VIT: variants seen among roughly 807,000 people sequenced by gnomAD.
The protein encoded by VIT is vitrin.
VIT carries 99 observed loss-of-function variants against 78.0 expected under a neutral mutation model. The ratio of observed to expected loss-of-function variants is 1.27; its 90% CI spans 1.08 to 1.50. VIT has a LOEUF of 1.50. VIT is among the 40% of genes most tolerant of loss of function. VIT has a pLI of 0.00. For missense variants in VIT, 1,126 were observed against 875.3 expected, an observed-to-expected ratio of 1.29 and a Z score of -3.61; for synonymous variants, 374 against 334.3, an observed-to-expected ratio of 1.12 and a Z score of -1.29.
Position 36,808,873 on chromosome 2 carries a change from G to A in VIT, c.1791G>A (p.Leu597=). Residue 597 remains leucine, a synonymous_variant, in exon 15 of 16, where the codon CTG becomes CTA. Coordinates refer to ENST00000379242, the MANE Select transcript of VIT (RefSeq NM_053276.4). Reference sequence around the variant, plus strand: ...CGGGGGCTGCCATCAACTTCGCCCTGGAGCAGCTCTTCAAGAAGTCCAAGC... The same window carrying A: ...CGGGGGCTGCCATCAACTTCGCCCTAGAGCAGCTCTTCAAGAAGTCCAAGC... ...TSTGAAINFA[L]EQLFKKSKPN... is the part of the protein sequence containing the mutation. 1.9e-6 allele frequency: 3 copies of A among 1,614,158 alleles called. No homozygotes were observed. Among genetic ancestry groups the A allele is most frequent in the Non-Finnish European group, 2.5e-6 (3 of 1,180,036 alleles).
chr2:36,700,399 G>A (rs934203688), intron 1 of VIT, among the ~76,000 whole-genome samples: 11 of 151,952 alleles, frequency 7.2e-5, no homozygotes, highest in South Asian at 6.3e-4. Context: ...TGATGGTGGC[G>A]GTGGTGGTGG....
intron 13 of VIT, 130 bp from the exon 14 acceptor site, chr2:36,805,308 G>GAAA (rs567911067): frequency 0.028 from 16,031 of 578,848 alleles, 2 homozygotes; most frequent in East Asian, 0.042. Context: ...TGTCTCAAAG[G>GAAA]AAAAAAAAAA....
At chr2:36,811,690 G>C (rs894017502) in intron 15 of VIT, among the ~76,000 whole-genome samples, 1 of 107,868 alleles carries the variant, frequency 9.3e-6, no homozygotes, top group African/African-American at 3.6e-5. Flanking sequence ...TTTTTCTTTT[G>C]AGACGGAGTT....
At chr2:36,734,908 A>T (rs1383937653) in intron 3 of VIT, among the ~76,000 whole-genome samples, 2 of 152,184 alleles carry the variant, frequency 1.3e-5, no homozygotes, top group African/African-American at 4.8e-5. Context: ...GCACGCCTAT[A>T]ATCCCAGCAC....
rs1253946532 is a variant in VIT at position 36,759,051 on chromosome 2, G to A, written c.487+5G>A. 5 of 1,614,088 alleles carry A rather than the reference G, an allele frequency of 3.1e-6. No individual in the cohort carries two copies. Among genetic ancestry groups the A allele is most frequent in the Admixed American group, 3.3e-5 (2 of 60,028 alleles). On this transcript the variant is annotated splice_donor_5th_base_variant and intron_variant, in intron 6 of 15. Transcript: ENST00000379242. ...AAAGTCCAGCTGCCCAAGCAGGCAA[G>A]TGCTCACGTGTGATTGAATCTAAAC... is the stretch of plus-strand genomic sequence containing the variant.
At chr2:36,755,300 G>A (rs1234910150) in intron 5 of VIT, among the ~76,000 whole-genome samples, 4 of 152,194 alleles carry the variant, frequency 2.6e-5, no homozygotes, top group Non-Finnish European at 5.9e-5. Context: ...TTATCTGTAA[G>A]TCCAATCAGA....
intron 12 of VIT, among the ~76,000 whole-genome samples, chr2:36,789,901 A>C (rs1320329840): frequency 6.6e-6 from 1 of 152,160 alleles, no homozygotes; most frequent in Non-Finnish European, 1.5e-5. Flanking sequence ...CCAAGGGAGG[A>C]GGACTCCGGA....
chr2:36,810,928 C>G (rs780739084), intron 15 of VIT, among the ~76,000 whole-genome samples: 1 of 152,160 alleles, frequency 6.6e-6, no homozygotes, highest in Non-Finnish European at 1.5e-5. Context: ...GCCACTGCAC[C>G]TGGCTTCTGT....
At chr2:36,722,560 A>G (rs911424837) in intron 2 of VIT, among the ~76,000 whole-genome samples, 3 of 152,254 alleles carry the variant, frequency 2.0e-5, no homozygotes, top group African/African-American at 7.2e-5. Context: ...GGAAACCTGA[A>G]CTATGTTTAA....
chr2:36,775,890 T>C (rs929014645), intron 9 of VIT, among the ~76,000 whole-genome samples: 2 of 152,086 alleles, frequency 1.3e-5, no homozygotes, highest in African/African-American at 4.8e-5. Context: ...ACACCCTGAG[T>C]AAAGGCAGGT....
intron 6 of VIT, among the ~76,000 whole-genome samples, chr2:36,766,128 A>G (rs1345532851): frequency 1.3e-5 from 2 of 152,240 alleles, no homozygotes; most frequent in Non-Finnish European, 2.9e-5. Context: ...AGATATTCTC[A>G]GAGCACTAAC....
At position 36,758,951 on chromosome 2, in the gene VIT, T is replaced by C. The variant is rs1274040396; in HGVS notation, c.410-18T>C. Reference sequence around the variant, plus strand: ...AGCTCTAGAAATAAATCTCGTTTTTTTTTTCTCTTTTTTGCAGAAAGTAAA... The same window carrying C: ...AGCTCTAGAAATAAATCTCGTTTTTCTTTTCTCTTTTTTGCAGAAAGTAAA... On this transcript the variant is annotated intron_variant, in intron 5 of 15. Transcript: ENST00000379242. 1.9e-5 allele frequency: 31 copies of C among 1,604,484 alleles called. No individual in the cohort carries two copies. Among genetic ancestry groups the C allele is most frequent in the Non-Finnish European group, 2.6e-5 (30 of 1,174,676 alleles).
intron 8 of VIT, chr2:36,774,583 T>C (rs931641439): frequency 2.0e-5 from 20 of 985,324 alleles, no homozygotes; most frequent in Admixed American, 6.1e-5. Context: ...TTAGAAACTG[T>C]AGGTTCTGTT....
intron 2 of VIT, among the ~76,000 whole-genome samples, chr2:36,727,013 T>C (rs1019489193): frequency 6.6e-6 from 1 of 152,112 alleles, no homozygotes; most frequent in African/African-American, 2.4e-5. Context: ...TCTTCACCTA[T>C]TGATATACTT....
In VIT at chr2:36,801,506, T is replaced by C. The variant is rs556607351; in HGVS notation, c.1162+102T>C. ...ATATAAAAGGAAAAAATAATAATAA[T>C]CCGTCAAGAAATAACTTCTGGTCGG... On this transcript the variant is annotated intron_variant, in intron 13 of 15. Coordinates refer to ENST00000379242, the MANE Select transcript of VIT (RefSeq NM_053276.4). 8.9e-5 allele frequency: 97 copies of C among 1,095,954 alleles called. 1 individual carries two copies. In the South Asian group the frequency reaches 1.3e-3, roughly 15 times the overall value. 67.9% of individuals were successfully genotyped at this position (1,095,954 alleles called of 1,614,324 possible).
At chr2:36,788,107 C>T in intron 12 of VIT, 1 of 260,496 alleles carries the variant, frequency 3.8e-6, no homozygotes, top group Non-Finnish European at 7.5e-6. Context: ...GCCTTTTGAC[C>T]AAGAATCATT....
chr2:36,787,734 C>G, intron 12 of VIT: 1 of 421,642 alleles, frequency 2.4e-6, no homozygotes, highest in Non-Finnish European at 4.7e-6. Flanking sequence ...AGGTTAGACG[C>G]CTAGAGAACA....
intron 7 of VIT, among the ~76,000 whole-genome samples, chr2:36,771,980 T>C (rs1478064931): frequency 6.6e-6 from 1 of 152,210 alleles, no homozygotes. Context: ...GAAAAAGGGA[T>C]ACAACTCTGT....
At chr2:36,757,835 A>C (rs986267300) in intron 5 of VIT, among the ~76,000 whole-genome samples, 4 of 152,220 alleles carry the variant, frequency 2.6e-5, no homozygotes, top group African/African-American at 9.6e-5. Context: ...GAATGAAAAC[A>C]CAAGAGCCTC....
Sources: allele counts gnomAD v4.1 joint callset (sites outside exome capture counted in the v4.1 genomes callset), GRCh38; gene constraint gnomAD v4.1.1; transcripts MANE v1.5; gene names NCBI Gene and HGNC (gene_info 2026-07-23, HGNC 2026-07-21).